Variants in HS6ST2 observed in about 807,000 individuals in gnomAD.
HS6ST2 encodes heparan-sulfate 6-O-sulfotransferase 2.
Under a neutral mutation model 33.0 loss-of-function variants are expected in HS6ST2, and 17 were observed. The observed-to-expected ratio is 0.52, with a 90% CI of 0.35 to 0.77. HS6ST2 has a LOEUF of 0.77. HS6ST2 is among the 30% of genes least tolerant of loss of function. The probability of loss-of-function intolerance (pLI) is 0.01; values close to 1 mark genes in which losing one functional copy is unlikely to be tolerated. For missense variants in HS6ST2, 519 were observed against 551.7 expected (o/e 0.94, Z 0.59); for synonymous variants, 248 against 237.1 (o/e 1.05, Z -0.42).
chrX:132,874,442 G>A (rs2066091181), intron 2 of HS6ST2, among the ~76,000 whole-genome samples: 1 of 111,252 alleles, frequency 9.0e-6, no homozygotes, highest in Non-Finnish European at 1.9e-5. Context: ...TGGGTGTGGT[G>A]GCACACACCT....
At chrX:132,760,020 T>C (rs1204440603) in intron 2 of HS6ST2, among the ~76,000 whole-genome samples, 1 of 111,676 alleles carries the variant, frequency 9.0e-6, no homozygotes, top group Non-Finnish European at 1.9e-5. Context: ...CTCACTACTA[T>C]CTAATTCCAG....
chrX:132,876,856 T>C (rs1331653411), intron 2 of HS6ST2, among the ~76,000 whole-genome samples: 2 of 112,051 alleles, frequency 1.8e-5, no homozygotes, highest in African/African-American at 6.5e-5. Context: ...AAGTGGGAAA[T>C]GTAGAGGGGA....
At chrX:132,758,765 G>A (rs761661121) in intron 2 of HS6ST2, among the ~76,000 whole-genome samples, 28 of 112,013 alleles carry the variant, frequency 2.5e-4, no homozygotes, top group African/African-American at 7.8e-4. Flanking sequence ...GCCAAATCCC[G>A]TAGTATTTTC....
At chrX:132,937,679 C>G (rs1046266811) in intron 2 of HS6ST2, among the ~76,000 whole-genome samples, 1 of 111,475 alleles carries the variant, frequency 9.0e-6, no homozygotes, top group African/African-American at 3.3e-5. Flanking sequence ...TAGCCCTCAT[C>G]ATGTGCAAAA....
At chrX:132,825,888 T>C (rs1339026102) in intron 2 of HS6ST2, among the ~76,000 whole-genome samples, 1 of 112,128 alleles carries the variant, frequency 8.9e-6, no homozygotes, top group Non-Finnish European at 1.9e-5. Context: ...TCACAATGCT[T>C]CTGTAGATGT....
At chrX:132,858,621 T>C (rs1475862409) in intron 2 of HS6ST2, among the ~76,000 whole-genome samples, 1 of 111,705 alleles carries the variant, frequency 9.0e-6, no homozygotes, top group African/African-American at 3.3e-5. Flanking sequence ...GTTGTTAGCA[T>C]ATGTGAGATA....
intron 2 of HS6ST2, among the ~76,000 whole-genome samples, chrX:132,925,020 G>A (rs2066696593): frequency 1.8e-5 from 2 of 111,310 alleles, no homozygotes; most frequent in African/African-American, 3.3e-5. Flanking sequence ...GGCAGACGTT[G>A]CAGTGAGCTG....
At chrX:132,831,838 T>A (rs947088605) in intron 2 of HS6ST2, among the ~76,000 whole-genome samples, 7 of 112,133 alleles carry the variant, frequency 6.2e-5, no homozygotes, top group African/African-American at 2.3e-4. Flanking sequence ...TTCTTGCCTT[T>A]CAGTATAAAA....
At chrX:132,822,572 T>C (rs2065470916) in intron 2 of HS6ST2, among the ~76,000 whole-genome samples, 2 of 112,037 alleles carry the variant, frequency 1.8e-5, no homozygotes, top group African/African-American at 6.5e-5. Context: ...ATACTTCACC[T>C]GAAGTGTCCT....
chrX:132,739,147 G>A (rs1470102406), intron 2 of HS6ST2, among the ~76,000 whole-genome samples: 1 of 111,550 alleles, frequency 9.0e-6, no homozygotes, highest in African/African-American at 3.3e-5. Context: ...ATCACTAGAC[G>A]CGCACCAGGG....
At chrX:132,731,867 A>G (rs1233919566) in intron 2 of HS6ST2, among the ~76,000 whole-genome samples, 8 of 110,121 alleles carry the variant, frequency 7.3e-5, no homozygotes, top group Middle Eastern at 4.6e-3. Context: ...GAAAAAAAAA[A>G]GGAAATTGGG....
At chrX:132,767,218 C>G (rs1192680111) in intron 2 of HS6ST2, among the ~76,000 whole-genome samples, 3 of 112,447 alleles carry the variant, frequency 2.7e-5, no homozygotes, top group African/African-American at 9.7e-5. Flanking sequence ...CCTGCTACTC[C>G]TCTCCCTTTT....
At chrX:132,670,964 C>T (rs1447125327) in intron 3 of HS6ST2, among the ~76,000 whole-genome samples, 3 of 112,156 alleles carry the variant, frequency 2.7e-5, no homozygotes, top group Non-Finnish European at 5.6e-5. Context: ...GGCAGAAATC[C>T]ACTGGAATGA....
Position 132,958,588 on chromosome X carries a change from C to T in HS6ST2, c.15G>A (p.Ala5=), listed in dbSNP as rs1323632148. 1.7e-6 allele frequency: 2 copies of T among 1,174,905 alleles called. No individual in the cohort carries two copies. Among genetic ancestry groups the T allele is most frequent in the Non-Finnish European group, 2.3e-6 (2 of 876,533 alleles). Reference sequence around the variant, plus strand: ...GCGGCTCGAACTCCCGGACTGCACACGCAGGCAGTGCCATTCCCCCCTTCA... The same window carrying T: ...GCGGCTCGAACTCCCGGACTGCACATGCAGGCAGTGCCATTCCCCCCTTCA... The part of the protein sequence containing the change: MALP[A]CAVREFEPPR... The change falls in exon 1 of 5, where the codon GCG becomes GCA. Residue 5 remains alanine (A), a synonymous_variant. Transcript: ENST00000370833.
chrX:132,819,826 T>TA (rs1463785386), intron 2 of HS6ST2, among the ~76,000 whole-genome samples: 1 of 112,194 alleles, frequency 8.9e-6, no homozygotes, highest in Admixed American at 9.4e-5. Flanking sequence ...GCATATATGA[T>TA]AGCATGAGTC....
chrX:132,892,428 T>C (rs2066325442), intron 2 of HS6ST2, among the ~76,000 whole-genome samples: 1 of 111,974 alleles, frequency 8.9e-6, no homozygotes, highest in Non-Finnish European at 1.9e-5. Flanking sequence ...TCCCAGGTGA[T>C]ATGTATACAG....
intron 2 of HS6ST2, among the ~76,000 whole-genome samples, chrX:132,752,324 T>C (rs181188303): frequency 1.7e-3 from 191 of 109,719 alleles, no homozygotes; most frequent in African/African-American, 5.9e-3. Context: ...ACACAAAATT[T>C]AGCCGGGTGT....
chrX:132,716,014 A>G (rs1481861639), intron 2 of HS6ST2, among the ~76,000 whole-genome samples: 1 of 112,089 alleles, frequency 8.9e-6, no homozygotes, highest in Non-Finnish European at 1.9e-5. Context: ...GATAGGGAAC[A>G]CTGCCAAACA....
intron 2 of HS6ST2, among the ~76,000 whole-genome samples, chrX:132,748,668 T>C (rs1267212301): frequency 1.8e-5 from 2 of 111,833 alleles, no homozygotes; most frequent in Non-Finnish European, 3.8e-5. Context: ...AGTGGTGCAA[T>C]CATGGCTCAC....
Sources: allele counts gnomAD v4.1 joint callset (sites outside exome capture counted in the v4.1 genomes callset), GRCh38; gene constraint gnomAD v4.1.1; transcripts MANE v1.5; gene names NCBI Gene and HGNC (gene_info 2026-07-23, HGNC 2026-07-21).